KCNH1: variants seen among roughly 807,000 people sequenced by gnomAD.
KCNH1 encodes voltage-gated delayed rectifier potassium channel KCNH1.
KCNH1 carries 27 observed loss-of-function variants against 69.2 expected under a neutral mutation model. That is an observed-to-expected ratio of 0.39 (90% CI 0.29 to 0.54). The LOEUF (loss-of-function observed/expected upper bound fraction) is 0.54. KCNH1 is among the 20% of genes least tolerant of loss of function. The probability of loss-of-function intolerance (pLI) is 0.68; values close to 1 mark genes in which losing one functional copy is unlikely to be tolerated. For missense variants in KCNH1, 798 were observed against 1,261.6 expected (o/e 0.63, Z 5.57); for synonymous variants, 456 against 487.7 (o/e 0.93, Z 0.86).
At chr1:210,816,350 G>A (rs1177958708) in intron 7 of KCNH1, among the ~76,000 whole-genome samples, 8 of 152,124 alleles carry the variant, frequency 5.3e-5, no homozygotes, top group African/African-American at 9.7e-5. Flanking sequence ...CTCATCTGTC[G>A]AATAAAACAA....
At chr1:210,942,370 T>C (rs1411043519) in intron 6 of KCNH1, among the ~76,000 whole-genome samples, 1 of 152,032 alleles carries the variant, frequency 6.6e-6, no homozygotes, top group African/African-American at 2.4e-5. Flanking sequence ...ACCCAACCTC[T>C]CCGAGCTTCA....
chr1:210,998,131 C>A (rs1266023013), intron 6 of KCNH1, among the ~76,000 whole-genome samples: 2 of 152,176 alleles, frequency 1.3e-5, no homozygotes, highest in Non-Finnish European at 2.9e-5. Flanking sequence ...CAGCTAACAT[C>A]ACAATGACAG....
At chr1:210,757,644 C>T (rs1226815119) in intron 10 of KCNH1, among the ~76,000 whole-genome samples, 1 of 152,234 alleles carries the variant, frequency 6.6e-6, no homozygotes, top group Non-Finnish European at 1.5e-5. Flanking sequence ...CAAACTACAG[C>T]TCTGAATATT....
At chr1:210,914,494 G>A (rs568524871) in intron 7 of KCNH1, among the ~76,000 whole-genome samples, 17 of 152,172 alleles carry the variant, frequency 1.1e-4, no homozygotes, top group African/African-American at 4.1e-4. Flanking sequence ...GCTGAAGTGA[G>A]GCCACAAAAG....
intron 6 of KCNH1, among the ~76,000 whole-genome samples, chr1:210,994,117 A>G (rs1688980852): frequency 1.3e-5 from 2 of 152,252 alleles, no homozygotes; most frequent in Admixed American, 1.3e-4. Flanking sequence ...ACATTCTGAC[A>G]TTCTCCTATA....
intron 5 of KCNH1, among the ~76,000 whole-genome samples, chr1:211,030,904 T>TA (rs1689771164): frequency 6.6e-6 from 1 of 151,744 alleles, no homozygotes; most frequent in Non-Finnish European, 1.5e-5. Context: ...AACTCAACTA[T>TA]AAAAAATGTA....
At chr1:211,057,646 T>G (rs1290436253) in intron 5 of KCNH1, among the ~76,000 whole-genome samples, 4 of 132,080 alleles carry the variant, frequency 3.0e-5, no homozygotes, top group Non-Finnish European at 6.6e-5. Flanking sequence ...CCCAAAAAAA[T>G]GAGAAAAAGA....
chr1:210,730,309 C>T (rs1291245292), intron 10 of KCNH1, among the ~76,000 whole-genome samples: 2 of 152,124 alleles, frequency 1.3e-5, no homozygotes, highest in Non-Finnish European at 2.9e-5. Flanking sequence ...GCAGGTGCTA[C>T]CAGTTTCCAA....
intron 7 of KCNH1, chr1:210,859,654 C>T: frequency 7.6e-7 from 1 of 1,309,286 alleles, no homozygotes; most frequent in Non-Finnish European, 1.1e-6. Context: ...TTCTGCATGG[C>T]AGGCATATGC....
chr1:210,762,704 T>C (rs564453012), intron 10 of KCNH1, among the ~76,000 whole-genome samples: 2 of 152,008 alleles, frequency 1.3e-5, no homozygotes, highest in South Asian at 2.1e-4. Context: ...AAAACAATAG[T>C]GAGTAATGGA....
Position 211,120,652 on chromosome 1 carries a change from C to A in KCNH1, c.79+13215G>T, listed in dbSNP as rs190142879. ...AAAAAGTGACTCAAAATAAGCAATA[C>A]AAAAATATTAATGAGTACTAGAAAA... On this transcript the variant is annotated intron_variant, in intron 1 of 10. Coordinates refer to ENST00000271751, the MANE Select transcript of KCNH1 (RefSeq NM_172362.3). Among the ~76,000 whole-genome samples the A allele has an allele frequency of 3.5e-3, 535 of 152,032 alleles. 7 individuals carry two copies. The highest frequency in any genetic ancestry group is 0.012 in the African/African-American group (512 of 41,470).
intron 2 of KCNH1, among the ~76,000 whole-genome samples, chr1:211,104,630 A>G (rs1691320990): frequency 6.6e-6 from 1 of 152,104 alleles, no homozygotes; most frequent in Admixed American, 6.6e-5. Context: ...AGGAGGGGGA[A>G]AAAAACATCT....
Position 210,898,760 on chromosome 1 carries a change from G to C in KCNH1, c.1462+20880C>G, listed in dbSNP as rs184192709. Among the ~76,000 whole-genome samples, 6 of 152,158 alleles carry C rather than the reference G, an allele frequency of 3.9e-5. No individual in the cohort carries two copies. In the East Asian group the frequency reaches 9.7e-4, roughly 25 times the overall value. Reference sequence around the variant, plus strand: ...CCAGAATTTGTAGCCAGGTCTAAGCGACTCCAAAATGCTCTTTCTCCTGTA... The same window carrying C: ...CCAGAATTTGTAGCCAGGTCTAAGCCACTCCAAAATGCTCTTTCTCCTGTA... On this transcript the variant is annotated intron_variant, in intron 7 of 10. Coordinates refer to ENST00000271751, the MANE Select transcript of KCNH1 (RefSeq NM_172362.3).
intron 6 of KCNH1, among the ~76,000 whole-genome samples, chr1:210,991,945 G>C (rs1688946475): frequency 6.6e-6 from 1 of 152,152 alleles, no homozygotes; most frequent in Admixed American, 6.5e-5. Flanking sequence ...TGATCATCAA[G>C]AGGCTCAAGC....
At chr1:211,087,296 G>A (rs1356766894) in intron 4 of KCNH1, among the ~76,000 whole-genome samples, 1 of 152,080 alleles carries the variant, frequency 6.6e-6, no homozygotes, top group African/African-American at 2.4e-5. Context: ...GTGAATCTTT[G>A]AAAATGAATT....
intron 7 of KCNH1, among the ~76,000 whole-genome samples, chr1:210,885,899 G>T (rs1328476133): frequency 1.3e-5 from 2 of 152,196 alleles, no homozygotes; most frequent in African/African-American, 4.8e-5. Flanking sequence ...CCCAGTCAGG[G>T]TCTTATAGAT....
chr1:210,978,632 T>A (rs746843608), intron 6 of KCNH1, among the ~76,000 whole-genome samples: 2 of 152,198 alleles, frequency 1.3e-5, no homozygotes, highest in African/African-American at 2.4e-5. Flanking sequence ...ATCTGTGAAA[T>A]CTGTCTCCCT....
chr1:210,716,124 A>G (rs1415348362), intron 10 of KCNH1, among the ~76,000 whole-genome samples: 1 of 152,066 alleles, frequency 6.6e-6, no homozygotes, highest in East Asian at 1.9e-4. Flanking sequence ...ACTTGGGTAG[A>G]TCTTGCTTTA....
At chr1:211,024,647 T>C (rs2102417948) in intron 5 of KCNH1, among the ~76,000 whole-genome samples, 1 of 152,272 alleles carries the variant, frequency 6.6e-6, no homozygotes. Context: ...GGCTGCTTTG[T>C]AGATAATGAG....
Sources: allele counts gnomAD v4.1 joint callset (sites outside exome capture counted in the v4.1 genomes callset), GRCh38; gene constraint gnomAD v4.1.1; transcripts MANE v1.5; gene names NCBI Gene and HGNC (gene_info 2026-07-23, HGNC 2026-07-21).